Variants in PIP5K1B observed in about 807,000 individuals in gnomAD.
PIP5K1B encodes phosphatidylinositol 4-phosphate 5-kinase type-1 beta.
In PIP5K1B, 42 loss-of-function variants were observed where a neutral mutation model predicts 67.0. The ratio of observed to expected loss-of-function variants is 0.63; its 90% CI spans 0.49 to 0.81. The LOEUF (loss-of-function observed/expected upper bound fraction) is 0.81, where lower values mean the gene tolerates loss of function less well. Among genes scored for constraint, PIP5K1B ranks in the 30% least tolerant of loss-of-function variants. The pLI, the probability that PIP5K1B is intolerant of heterozygous loss-of-function variation, is 0.00. For missense variants in PIP5K1B, 459 were observed against 646.3 expected, an observed-to-expected ratio of 0.71 and a Z score of 3.14; for synonymous variants, 214 against 231.4, an observed-to-expected ratio of 0.92 and a Z score of 0.68.
At chr9:69,006,705 ACT>A (rs72370422) in intron 15 of PIP5K1B, among the ~76,000 whole-genome samples, 58,208 of 151,996 alleles carry the variant, frequency 0.38, 12,358 homozygotes, top group East Asian at 0.68. Context: ...CACTCAGGTT[ACT>A]CACTGTCCCT....
intron 1 of PIP5K1B, among the ~76,000 whole-genome samples, chr9:68,726,984 T>G (rs1331550326): frequency 7.3e-6 from 1 of 136,068 alleles, no homozygotes; most frequent in East Asian, 2.0e-4. Context: ...AAAGTTGTTG[T>G]TTTTTTTTTT....
At chr9:68,968,514 A>AAT (rs1554749428) in intron 14 of PIP5K1B, among the ~76,000 whole-genome samples, 1 of 151,846 alleles carries the variant, frequency 6.6e-6, no homozygotes, top group African/African-American at 2.4e-5. Context: ...AAAAAAAAAA[A>AAT]AAAAAACCTG....
At chr9:68,781,940 ACT>A (rs898531543) in intron 2 of PIP5K1B, 1 of 166,938 alleles carries the variant, frequency 6.0e-6, no homozygotes, top group African/African-American at 2.4e-5. Context: ...GGTAAACAAT[ACT>A]CTCTCAATTG....
intron 2 of PIP5K1B, chr9:68,780,081 C>G (rs918424948): frequency 7.0e-7 from 1 of 1,421,838 alleles, no homozygotes; most frequent in East Asian, 2.6e-5. Flanking sequence ...TCGGTGGCGG[C>G]GGCAGCGGCG....
At chr9:68,852,916 T>G (rs1822565690) in intron 4 of PIP5K1B, among the ~76,000 whole-genome samples, 1 of 52,770 alleles carries the variant, frequency 1.9e-5, no homozygotes, top group Non-Finnish European at 4.8e-5. Context: ...AGGGGTGTGT[T>G]TTTTTTTATA....
rs772841040 is a variant in PIP5K1B, at chr9:68,889,087, A to G, written c.425A>G (p.His142Arg). Residue 142 changes from histidine (H) to arginine (R), a missense_variant, in exon 7 of 16, where the codon CAC becomes CGC. Physicochemically the swap from His to Arg is conservative, Grantham distance 29 (BLOSUM62 0). Around this residue, in one of 2 missense-constraint regions of PIP5K1B, gnomAD observed 290 missense variants for 474.4 expected, o/e 0.61. Coordinates refer to ENST00000265382, the MANE Select transcript of PIP5K1B (RefSeq NM_003558.4). The stretch of plus-strand genomic sequence containing the variant: ...GAATTTATCATCAAAACAGTTCAGC[A>G]CAAAGAAGCTGAGTTTCTTCAGAAG... Reference protein sequence around the residue: ...DDEFIIKTVQHKEAEFLQKLL... With the variant: ...DDEFIIKTVQRKEAEFLQKLL... The G allele has an allele frequency of 6.2e-7, 1 of 1,613,692 alleles. No homozygotes were observed. Among genetic ancestry groups the G allele is most frequent in the Non-Finnish European group, 8.5e-7 (1 of 1,179,612 alleles).
intron 4 of PIP5K1B, among the ~76,000 whole-genome samples, chr9:68,850,543 G>A (rs1358736445): frequency 1.3e-5 from 2 of 152,220 alleles, no homozygotes; most frequent in Non-Finnish European, 2.9e-5. Flanking sequence ...GCCTCTTGAA[G>A]AACAACTGCT....
intron 14 of PIP5K1B, among the ~76,000 whole-genome samples, chr9:68,957,874 CTT>C (rs61201790): frequency 2.7e-5 from 4 of 146,934 alleles, no homozygotes; most frequent in Non-Finnish European, 3.0e-5. Context: ...GTTTTCTTTT[CTT>C]TTTTTTTTTT....
intron 14 of PIP5K1B, among the ~76,000 whole-genome samples, chr9:68,977,150 A>T (rs1829666604): frequency 6.6e-6 from 1 of 152,254 alleles, no homozygotes; most frequent in Non-Finnish European, 1.5e-5. Flanking sequence ...TTATAATGTT[A>T]GACTCTGCCA....
intron 12 of PIP5K1B, among the ~76,000 whole-genome samples, chr9:68,929,054 T>C (rs1416047459): frequency 6.6e-6 from 1 of 151,472 alleles, no homozygotes; most frequent in African/African-American, 2.4e-5. Flanking sequence ...TCCCAGCTAC[T>C]TGGGAGGCTG....
intron 15 of PIP5K1B, among the ~76,000 whole-genome samples, chr9:68,998,072 C>CTTTTTTTTTTTTT (rs542788542): frequency 2.4e-5 from 3 of 127,036 alleles, no homozygotes; most frequent in Non-Finnish European, 3.4e-5. Flanking sequence ...TTTTTCTTTT[C>CTTTTTTTTTTTTT]TTTTTTTTTT....
intron 14 of PIP5K1B, among the ~76,000 whole-genome samples, chr9:68,947,609 G>A (rs1446679793): frequency 2.0e-5 from 3 of 152,164 alleles, no homozygotes; most frequent in African/African-American, 7.2e-5. Context: ...AGAGAGGAAA[G>A]GGTCAAAGCT....
At chr9:68,762,327 G>A (rs1463345246) in intron 2 of PIP5K1B, among the ~76,000 whole-genome samples, 1 of 152,046 alleles carries the variant, frequency 6.6e-6, no homozygotes, top group Non-Finnish European at 1.5e-5. Flanking sequence ...GTGGCTGAAA[G>A]TCGTGGAATG....
At chr9:68,822,032 G>A (rs1466909769) in intron 3 of PIP5K1B, among the ~76,000 whole-genome samples, 1 of 152,180 alleles carries the variant, frequency 6.6e-6, no homozygotes, top group Non-Finnish European at 1.5e-5. Context: ...AAATAAATAT[G>A]ACAAAATGTG....
intron 14 of PIP5K1B, among the ~76,000 whole-genome samples, chr9:68,945,547 A>G (rs961240107): frequency 2.0e-5 from 3 of 152,210 alleles, no homozygotes; most frequent in Non-Finnish European, 2.9e-5. Flanking sequence ...TTCTATCATA[A>G]TATTAGTCCT....
At chr9:68,886,696 A>G (rs1376604459) in intron 6 of PIP5K1B, among the ~76,000 whole-genome samples, 1 of 152,232 alleles carries the variant, frequency 6.6e-6, no homozygotes, top group Non-Finnish European at 1.5e-5. Context: ...CTCAGCAGGC[A>G]CTGAAAGCTG....
chr9:68,952,175 T>C (rs528641933), intron 14 of PIP5K1B, among the ~76,000 whole-genome samples: 1 of 152,264 alleles, frequency 6.6e-6, no homozygotes, highest in African/African-American at 2.4e-5. Flanking sequence ...TTTATTGTAA[T>C]AAATGACTGC....
intron 2 of PIP5K1B, among the ~76,000 whole-genome samples, chr9:68,749,730 A>G (rs538580513): frequency 6.6e-6 from 1 of 152,300 alleles, no homozygotes; most frequent in South Asian, 2.1e-4. Context: ...AGGGGCCAGA[A>G]CATTCTTTGT....
At chr9:68,791,176 C>G (rs944455950) in intron 2 of PIP5K1B, among the ~76,000 whole-genome samples, 3 of 152,162 alleles carry the variant, frequency 2.0e-5, no homozygotes, top group Admixed American at 1.3e-4. Context: ...TGTGCCCCAG[C>G]AGAGTAAAAT....
Sources: gnomAD v4.1 joint callset for allele counts (sites outside exome capture counted in the v4.1 genomes callset) on GRCh38, gnomAD v4.1.1 for gene constraint, gnomAD v4.1.1 regional missense constraint, MANE v1.5 for transcripts, NCBI Gene and HGNC (gene_info 2026-07-23, HGNC 2026-07-21) for gene names.